The following TENM1 variants were observed in gnomAD, a reference collection of about 807,000 sequenced individuals.
The protein encoded by TENM1 is teneurin-1.
A neutral mutation model predicts 174.8 loss-of-function variants in TENM1; 35 were observed. The observed-to-expected ratio is 0.20, with a 90% CI of 0.15 to 0.27. The LOEUF (loss-of-function observed/expected upper bound fraction) is 0.27. Among genes scored for constraint, TENM1 ranks in the 10% least tolerant of loss-of-function variants. The pLI is 1.00. For missense variants in TENM1, 1,633 were observed against 2,130.1 expected, an observed-to-expected ratio of 0.77 and a Z score of 4.59; for synonymous variants, 781 against 798.7, an observed-to-expected ratio of 0.98 and a Z score of 0.37.
intron 3 of TENM1, among the ~76,000 whole-genome samples, chrX:124,775,511 C>A (rs1466177278): frequency 9.0e-6 from 1 of 111,256 alleles, no homozygotes; most frequent in Non-Finnish European, 1.9e-5. Flanking sequence ...CCACCCAATT[C>A]TGGCTGAGAG....
At chrX:124,486,069 CAA>C (rs1425286196) in intron 21 of TENM1, among the ~76,000 whole-genome samples, 3 of 111,814 alleles carry the variant, frequency 2.7e-5, no homozygotes, top group Non-Finnish European at 3.8e-5. Flanking sequence ...TGTCATTTCT[CAA>C]GTGTACTTTA....
chrX:124,407,895 A>C (rs1271092598), intron 25 of TENM1, among the ~76,000 whole-genome samples: 1 of 112,334 alleles, frequency 8.9e-6, no homozygotes, highest in African/African-American at 3.2e-5. Flanking sequence ...TGGTTGGCAC[A>C]GTGCTATTAT....
At chrX:125,089,115 G>A in the TENM1 span, among the ~76,000 whole-genome samples, 107 of 111,273 alleles carry the variant, frequency 9.6e-4, no homozygotes, top group Non-Finnish European at 1.8e-3. Flanking sequence ...CTAGCCATAG[G>A]ATCTTATAGC....
the TENM1 span, among the ~76,000 whole-genome samples, chrX:124,977,483 T>A: frequency 9.0e-6 from 1 of 111,605 alleles, no homozygotes. Flanking sequence ...TTTTCATAAA[T>A]ACAATTCACC....
the TENM1 span, among the ~76,000 whole-genome samples, chrX:125,050,999 G>C: frequency 8.9e-6 from 1 of 112,046 alleles, no homozygotes; most frequent in Admixed American, 9.5e-5. Flanking sequence ...CTTCAGCAAA[G>C]TCTCAGGATA....
chrX:124,549,319 G>C (rs1384610906), intron 14 of TENM1, among the ~76,000 whole-genome samples: 1 of 111,616 alleles, frequency 9.0e-6, no homozygotes, highest in Non-Finnish European at 1.9e-5. Context: ...TTTTCAAATG[G>C]GCAGTCACTT....
At chrX:124,633,200 A>G (rs1314518654) in intron 11 of TENM1, among the ~76,000 whole-genome samples, 2 of 112,139 alleles carry the variant, frequency 1.8e-5, no homozygotes, top group Non-Finnish European at 3.8e-5. Flanking sequence ...GAAACACAAG[A>G]TTTACCTGTT....
chrX:124,470,224 C>T (rs191990657), intron 22 of TENM1, among the ~76,000 whole-genome samples: 1 of 111,978 alleles, frequency 8.9e-6, no homozygotes, highest in African/African-American at 3.2e-5. Flanking sequence ...TATCAAGAGG[C>T]AACTGGCTTA....
At chrX:125,074,490 C>T in the TENM1 span, among the ~76,000 whole-genome samples, 1 of 110,555 alleles carries the variant, frequency 9.0e-6, no homozygotes, top group African/African-American at 3.3e-5. Context: ...TACCAGCCAG[C>T]TGCAGCCAGA....
At chrX:124,410,160 A>G (rs2060516281) in intron 25 of TENM1, among the ~76,000 whole-genome samples, 1 of 111,724 alleles carries the variant, frequency 9.0e-6, no homozygotes, top group African/African-American at 3.3e-5. Flanking sequence ...TGGTACTGGT[A>G]CCAAAACAGA....
chrX:125,005,894 G>C, the TENM1 span, among the ~76,000 whole-genome samples: 1 of 111,650 alleles, frequency 9.0e-6, no homozygotes, highest in Admixed American at 9.5e-5. Context: ...AGATTCCCTT[G>C]TGAGCCTATA....
chrX:124,621,245 G>A (rs186245061), intron 11 of TENM1, among the ~76,000 whole-genome samples: 1 of 111,926 alleles, frequency 8.9e-6, no homozygotes, highest in African/African-American at 3.2e-5. Flanking sequence ...CAGGAGGCGG[G>A]CGGATCACAT....
At chrX:124,977,967 TGAGAGA>T in the TENM1 span, among the ~76,000 whole-genome samples, 1,533 of 32,870 alleles carry the variant, frequency 0.047, 22 homozygotes, top group Non-Finnish European at 0.066. Context: ...TGTGTGTGTG[TGAGAGA>T]GAGAGAGAGA....
intron 3 of TENM1, among the ~76,000 whole-genome samples, chrX:124,812,352 T>A (rs2055799428): frequency 9.0e-6 from 1 of 111,554 alleles, no homozygotes; most frequent in African/African-American, 3.2e-5. Flanking sequence ...TCATTATGAA[T>A]AATTTGTTAA....
At chrX:125,118,878 A>C in the TENM1 span, among the ~76,000 whole-genome samples, 1 of 111,790 alleles carries the variant, frequency 8.9e-6, no homozygotes, top group Non-Finnish European at 1.9e-5. Flanking sequence ...AGAAAAGACA[A>C]ATCTAATCTA....
At chrX:124,581,060 CTTTT>C (rs1202109466) in intron 11 of TENM1, among the ~76,000 whole-genome samples, 1 of 63,971 alleles carries the variant, frequency 1.6e-5, no homozygotes. Flanking sequence ...ATACTTAGTT[CTTTT>C]TTTTTTTTTT....
In TENM1 at chrX:124,405,059, T is replaced by C. The variant is rs1335405460; in HGVS notation, c.5363A>G (p.Asn1788Ser). The C allele has an allele frequency of 2.5e-6, 3 of 1,211,155 alleles. No individual in the cohort carries two copies. The highest frequency in any genetic ancestry group is 1.1e-6 in the Non-Finnish European group (1 of 895,141). Reference sequence around the variant, plus strand: ...CAGCCTCCTTTCAAAAGCCGAAACATTGCCTTTGTTTTGCTCCTTCCTCTG... The same window carrying C: ...CAGCCTCCTTTCAAAAGCCGAAACACTGCCTTTGTTTTGCTCCTTCCTCTG... The change falls in exon 27 of 32, where the codon AAT becomes AGT. Residue 1788 changes from asparagine (N) to serine (S), a missense_variant. Asn to Ser is a conservative substitution (Grantham distance 46). Around this residue, in one of 4 missense-constraint regions of TENM1, gnomAD observed 807 missense variants for 1,125.3 expected, o/e 0.72. Transcript: ENST00000422452.
chrX:125,151,073 G>GA, the TENM1 span, among the ~76,000 whole-genome samples: 1 of 111,618 alleles, frequency 9.0e-6, no homozygotes, highest in African/African-American at 3.3e-5. Context: ...AATGTCAGGG[G>GA]AAAAAAATCA....
the TENM1 span, among the ~76,000 whole-genome samples, chrX:124,971,791 A>T: frequency 8.9e-6 from 1 of 112,090 alleles, no homozygotes; most frequent in Non-Finnish European, 1.9e-5. Flanking sequence ...ATTTAAAATA[A>T]GTAAATTAAT....
Sources: gnomAD v4.1 joint callset for allele counts (sites outside exome capture counted in the v4.1 genomes callset) on GRCh38, gnomAD v4.1.1 for gene constraint, gnomAD v4.1.1 regional missense constraint, MANE v1.5 for transcripts, NCBI Gene and HGNC (gene_info 2026-07-23, HGNC 2026-07-21) for gene names.